The following FHAD1 variants were observed in gnomAD, a reference collection of about 807,000 sequenced individuals.
FHAD1 encodes forkhead associated phosphopeptide binding domain 1.
A neutral mutation model predicts 191.3 loss-of-function variants in FHAD1; 146 were observed. The ratio of observed to expected loss-of-function variants is 0.76; its 90% confidence interval spans 0.67 to 0.88. FHAD1 has a LOEUF of 0.88. Ranked by LOEUF, FHAD1 falls within the 40% of genes least tolerant of loss-of-function variation. The pLI, the probability that FHAD1 is intolerant of heterozygous loss-of-function variation, is 0.00. For synonymous variants in FHAD1, 616 were observed against 672.3 expected (o/e 0.92, Z 1.29); for missense variants, 1,635 against 1,785.8 (o/e 0.92, Z 1.52).
Position 15,316,333 on chromosome 1 carries a change from C to G in FHAD1, c.1171-45C>G, listed in dbSNP as rs1042186391. ...GCCCCTCCTTCCCCCGACAACCCTA[C>G]CTGGCCAACGTTGGCCTCTTTCTGT... is the stretch of plus-strand genomic sequence containing the variant. On this transcript the variant is annotated intron_variant, in intron 8 of 33. Coordinates refer to ENST00000688493, the MANE Select transcript of FHAD1 (RefSeq NM_001391957.1). The surrounding 1 kb of genome is among the most constrained non-coding windows in gnomAD (Gnocchi z 4.3). 46 of 1,505,240 alleles carry G rather than the reference C, an allele frequency of 3.1e-5. 1 individual carries two copies. The Admixed American group carries it at 5.9e-4, about 19-fold the overall frequency. 93.2% of individuals were successfully genotyped at this position (1,505,240 alleles called of 1,614,324 possible). A position where few individuals can be genotyped will look rare whatever the true frequency, so the allele number is the denominator to read the frequency against.
At position 15,381,409 on chromosome 1, in the gene FHAD1, A is replaced by G; in HGVS notation, c.3980A>G (p.Glu1327Gly). Residue 1327 changes from glutamate (E) to glycine (G), a missense_variant, in exon 30 of 34, where the codon GAG becomes GGG. Glu to Gly is a moderately conservative substitution (Grantham distance 98). Transcript: ENST00000688493. This position sits in a 1 kb window ranked among gnomAD's most constrained non-coding sequence, Gnocchi z 4.6. The stretch of plus-strand genomic sequence containing the variant: ...CTCAAGAACCAGCTGGGGAGGAAAG[A>G]GGAGCTGTTGAGAGGATATGAAAAG... ...TQLKNQLGRK[E>G]ELLRGYEKDV... 4 of 1,551,710 alleles carry G rather than the reference A, an allele frequency of 2.6e-6. No individual in the cohort carries two copies.
At chr1:15,238,171 C>G (rs762794876) in intron 1 of FHAD1, among the ~76,000 whole-genome samples, 1 of 141,630 alleles carries the variant, frequency 7.1e-6, no homozygotes, top group Non-Finnish European at 1.5e-5. Flanking sequence ...TGCTTGAACC[C>G]GGGAGGCAGA....
At chr1:15,337,973 CAA>C (rs1684952379) in intron 14 of FHAD1, among the ~76,000 whole-genome samples, 1 of 152,102 alleles carries the variant, frequency 6.6e-6, no homozygotes, top group South Asian at 2.1e-4. Context: ...ATGTTTAAAT[CAA>C]GTTTCCTCTC....
At chr1:15,350,606 C>A (rs1009260431) in intron 19 of FHAD1, among the ~76,000 whole-genome samples, 6 of 152,198 alleles carry the variant, frequency 3.9e-5, no homozygotes, top group Non-Finnish European at 8.8e-5. Context: ...ATTCTGGGCT[C>A]AAATCTCAGC....
At chr1:15,347,044 T>C (rs1188377987) in intron 18 of FHAD1, among the ~76,000 whole-genome samples, 1 of 152,230 alleles carries the variant, frequency 6.6e-6, no homozygotes, top group African/African-American at 2.4e-5. Flanking sequence ...CAAAAAGACC[T>C]CTGGGCAAAG....
chr1:15,367,229 C>T (rs1035208712), intron 24 of FHAD1, among the ~76,000 whole-genome samples: 2 of 152,122 alleles, frequency 1.3e-5, no homozygotes, highest in African/African-American at 4.8e-5. Context: ...TAGTAGCTAC[C>T]TTACACCTGT....
intron 14 of FHAD1, among the ~76,000 whole-genome samples, chr1:15,338,921 A>G (rs1685384695): frequency 6.6e-6 from 1 of 152,348 alleles, no homozygotes; most frequent in South Asian, 2.1e-4. Context: ...CTTCACACAC[A>G]GTAGACAGTA....
chr1:15,375,283 G>T (rs978314764), intron 27 of FHAD1, among the ~76,000 whole-genome samples: 12 of 152,128 alleles, frequency 7.9e-5, no homozygotes, highest in African/African-American at 2.9e-4. Context: ...AAGACTTGGG[G>T]CCCACTGCAG....
At chr1:15,389,447 C>CAAAAAAAAAAAAAAATAAAAAAAAAAA (rs1703241063) in intron 32 of FHAD1, among the ~76,000 whole-genome samples, 1 of 54,220 alleles carries the variant, frequency 1.8e-5, no homozygotes, top group East Asian at 5.4e-4. Flanking sequence ...GAACCTGTCT[C>CAAAAAAAAAAAAAAATAAAAAAAAAAA]AAAAAAAAAA....
At chr1:15,248,577 AC>A (rs199706463) in intron 1 of FHAD1, among the ~76,000 whole-genome samples, 237 of 140,784 alleles carry the variant, frequency 1.7e-3, no homozygotes, top group Non-Finnish European at 2.0e-3. Flanking sequence ...GAAGGAGATG[AC>A]CTTTTTTTTT....
In FHAD1 at chr1:15,376,081, TTTTATTTA is replaced by T. The variant is rs1245005500; in HGVS notation, c.3705+355_3705+362del. Among the ~76,000 whole-genome samples the T allele has an allele frequency of 8.2e-4, 105 of 128,786 alleles. 1 individual carries two copies. The highest frequency in any genetic ancestry group is 2.6e-3 in the African/African-American group (88 of 33,978). 84.5% of individuals were successfully genotyped at this position (128,786 alleles called of 152,430 possible). ...TATTTATTTATTTATTTATTTATTT[TTTTATTTA>T]TTTTTTTATTTATTTTTTGAGACAG... On this transcript the variant is annotated intron_variant, in intron 28 of 33. Coordinates refer to ENST00000688493, the MANE Select transcript of FHAD1 (RefSeq NM_001391957.1).
chr1:15,245,510 G>A (rs1645912158), upstream of FHAD1, among the ~76,000 whole-genome samples: 1 of 152,234 alleles, frequency 6.6e-6, no homozygotes, highest in Admixed American at 6.5e-5. Flanking sequence ...TTGAGGGGAA[G>A]TGCATTCCAG....
intron 10 of FHAD1, among the ~76,000 whole-genome samples, chr1:15,322,701 T>C (rs573102455): frequency 1.3e-5 from 2 of 151,702 alleles, no homozygotes; most frequent in South Asian, 4.1e-4. Flanking sequence ...TGCAGAAAGT[T>C]CTACCAGACA....
chr1:15,386,775 T>C (rs1702188210), intron 31 of FHAD1, among the ~76,000 whole-genome samples: 1 of 152,196 alleles, frequency 6.6e-6, no homozygotes, highest in Non-Finnish European at 1.5e-5. Flanking sequence ...CGTGAAGGCA[T>C]GCATATAAAA....
At chr1:15,279,657 A>C (rs1444736213) in intron 3 of FHAD1, among the ~76,000 whole-genome samples, 1 of 150,754 alleles carries the variant, frequency 6.6e-6, no homozygotes, top group Non-Finnish European at 1.5e-5. Context: ...TGGCAACCCC[A>C]GCACCTTCCA....
intron 2 of FHAD1, among the ~76,000 whole-genome samples, chr1:15,268,000 T>C (rs1654293017): frequency 6.7e-6 from 1 of 149,580 alleles, no homozygotes; most frequent in Non-Finnish European, 1.5e-5. Context: ...TTTTTAATTT[T>C]ATTATTATTA....
intron 3 of FHAD1, among the ~76,000 whole-genome samples, chr1:15,278,310 C>T (rs1027221171): frequency 2.6e-5 from 4 of 152,028 alleles, no homozygotes; most frequent in Non-Finnish European, 5.9e-5. Context: ...TTTCATTTAC[C>T]CAGTGTCTGA....
chr1:15,394,618 G>A (rs1333355087), intron 33 of FHAD1, among the ~76,000 whole-genome samples: 1 of 152,112 alleles, frequency 6.6e-6, no homozygotes, highest in Non-Finnish European at 1.5e-5. Context: ...TCCATCTTAA[G>A]GTGAAAAGAG....
chr1:15,244,467 G>C (rs984621380), upstream of FHAD1, among the ~76,000 whole-genome samples: 2 of 152,156 alleles, frequency 1.3e-5, no homozygotes, highest in African/African-American at 4.8e-5. The surrounding 1 kb of genome is among the most constrained non-coding windows in gnomAD (Gnocchi z 5.1). Flanking sequence ...TGTGTCCTGG[G>C]TTCATGTTAA....
Sources: gnomAD v4.1 joint callset for allele counts (sites outside exome capture counted in the v4.1 genomes callset) on GRCh38, gnomAD v4.1.1 for gene constraint, Gnocchi (gnomAD v3.1) non-coding constraint, MANE v1.5 for transcripts, NCBI Gene and HGNC (gene_info 2026-07-23, HGNC 2026-07-21) for gene names.